RGS22: variants seen among roughly 807,000 people sequenced by gnomAD.
RGS22 encodes regulator of G-protein signaling 22.
In RGS22, 148 loss-of-function variants were observed where a neutral mutation model predicts 172.9. The ratio of observed to expected loss-of-function variants is 0.86; its 90% CI spans 0.75 to 0.98. The LOEUF (loss-of-function observed/expected upper bound fraction) is 0.98, where lower values mean the gene tolerates loss of function less well. RGS22 is among the 50% of genes least tolerant of loss of function. The pLI, the probability that RGS22 is intolerant of heterozygous loss-of-function variation, is 0.00. For missense variants in RGS22, 1,347 were observed against 1,440.8 expected, an observed-to-expected ratio of 0.93 and a Z score of 1.05; for synonymous variants, 458 against 480.2, an observed-to-expected ratio of 0.95 and a Z score of 0.60.
At chr8:100,077,147 T>C (rs1251029936) in intron 4 of RGS22, among the ~76,000 whole-genome samples, 1 of 152,196 alleles carries the variant, frequency 6.6e-6, no homozygotes, top group African/African-American at 2.4e-5. Flanking sequence ...TATCTTTCTC[T>C]TTTTCTTCAT....
rs1815178728 is a variant in RGS22, at chr8:100,002,308, T to C, written c.2684A>G (p.Asp895Gly). The change falls in exon 18 of 28, where the codon GAT becomes GGT. Residue 895 changes from aspartate to glycine, a missense_variant. Asp to Gly is a moderately conservative substitution (Grantham distance 94). Coordinates refer to ENST00000360863, the MANE Select transcript of RGS22 (RefSeq NM_015668.5). Reference protein sequence around the residue: ...IEQFRRITYRDRNQRKAKSIY... With the variant: ...IEQFRRITYRGRNQRKAKSIY... ...AGATTTTGCCTTCCTTTGATTTCGATCTCTGTAAGTTATTCTCCGGAACTG... is the reference window on the plus strand; with the variant it reads ...AGATTTTGCCTTCCTTTGATTTCGACCTCTGTAAGTTATTCTCCGGAACTG... 1 of 1,611,934 alleles carries C rather than the reference T, an allele frequency of 6.2e-7. No homozygotes were observed. The highest frequency in any genetic ancestry group is 8.5e-7 in the Non-Finnish European group (1 of 1,179,398).
Position 99,965,448 on chromosome 8 carries a change from T to C in RGS22, c.3520-18A>G. The C allele has an allele frequency of 6.7e-7, 1 of 1,502,902 alleles. No individual in the cohort carries two copies. Among genetic ancestry groups the C allele is most frequent in the Non-Finnish European group, 9.2e-7 (1 of 1,091,220 alleles). 93.1% of individuals were successfully genotyped at this position (1,502,902 alleles called of 1,614,324 possible). ...ATTCCATCCTGTAATTATATTAAAT[T>C]AAATTATTACCCAGAAAAGATAATG... On this transcript the variant is annotated intron_variant, in intron 23 of 27. Coordinates refer to ENST00000360863, the MANE Select transcript of RGS22 (RefSeq NM_015668.5).
chr8:100,026,460 A>T (rs903418748), intron 14 of RGS22, among the ~76,000 whole-genome samples: 2 of 152,232 alleles, frequency 1.3e-5, no homozygotes, highest in African/African-American at 2.4e-5. Context: ...GAAATTTTGC[A>T]AATACAAGAG....
chr8:99,978,160 ATATCTT>A (rs1390732386), intron 22 of RGS22, 85 bp from the exon 23 acceptor site: 14 of 702,740 alleles, frequency 2.0e-5, no homozygotes, highest in Admixed American at 1.6e-4. Context: ...ATTAACTATT[ATATCTT>A]TAATATATAC....
intron 9 of RGS22, among the ~76,000 whole-genome samples, chr8:100,059,102 T>C (rs1809888571): frequency 6.6e-6 from 1 of 152,086 alleles, no homozygotes. Flanking sequence ...AAGATAGTAT[T>C]TGCCAGCCTC....
chr8:100,048,636 G>A (rs1335941803), intron 10 of RGS22, among the ~76,000 whole-genome samples: 1 of 151,896 alleles, frequency 6.6e-6, no homozygotes, highest in African/African-American at 2.4e-5. Context: ...TTAATAACAA[G>A]TATATTCTAT....
At chr8:100,052,741 C>A in intron 10 of RGS22, 61 bp downstream of exon 10, 1 of 1,438,552 alleles carries the variant, frequency 7.0e-7, no homozygotes. Context: ...TGCACAAACA[C>A]TCAAGCATAC....
chr8:100,052,087 ATTTATATATT>A (rs1821643536), intron 10 of RGS22, among the ~76,000 whole-genome samples: 5 of 87,212 alleles, frequency 5.7e-5, no homozygotes, highest in Admixed American at 1.8e-4. Flanking sequence ...GTTTATATAT[ATTTATATATT>A]TATATATAAA....
intron 23 of RGS22, among the ~76,000 whole-genome samples, chr8:99,968,460 C>T (rs913251732): frequency 2.0e-5 from 3 of 151,926 alleles, no homozygotes; most frequent in African/African-American, 7.3e-5. Flanking sequence ...TCTTCTAACC[C>T]AATGCAAGGA....
intron 14 of RGS22, among the ~76,000 whole-genome samples, chr8:100,022,012 G>A (rs751011236): frequency 1.3e-5 from 2 of 152,052 alleles, no homozygotes; most frequent in Non-Finnish European, 2.9e-5. Context: ...GCAAAAGGAG[G>A]AAAAAATGAT....
intron 14 of RGS22, among the ~76,000 whole-genome samples, chr8:100,036,307 AAT>A (rs1474447656): frequency 3.3e-4 from 51 of 152,276 alleles, no homozygotes; most frequent in African/African-American, 1.2e-3. Context: ...ACACCATTTA[AAT>A]TGGTTTCCAA....
chr8:99,996,585 C>A (rs1814415902), intron 19 of RGS22, 55 bp from the exon 20 acceptor site: 3 of 1,378,846 alleles, frequency 2.2e-6, no homozygotes, highest in South Asian at 2.4e-5. Context: ...GGCTTGAAAT[C>A]ATTTACTAAT....
intron 9 of RGS22, among the ~76,000 whole-genome samples, chr8:100,060,036 A>G (rs1409162676): frequency 6.6e-6 from 1 of 152,122 alleles, no homozygotes; most frequent in Non-Finnish European, 1.5e-5. Context: ...TTCTTTGACT[A>G]TAAGTTTACA....
At chr8:100,079,652 G>T (rs1162905594) in intron 4 of RGS22, among the ~76,000 whole-genome samples, 1 of 152,072 alleles carries the variant, frequency 6.6e-6, no homozygotes, top group Non-Finnish European at 1.5e-5. Context: ...AAGCAGAGGA[G>T]CCAATATTAG....
intron 9 of RGS22, among the ~76,000 whole-genome samples, chr8:100,057,212 G>A (rs375276274): frequency 5.9e-5 from 9 of 152,132 alleles, no homozygotes; most frequent in African/African-American, 2.2e-4. Context: ...GTTTATTTAC[G>A]TCATTCCTGT....
At chr8:100,007,063 G>T (rs1435921613) in intron 15 of RGS22, among the ~76,000 whole-genome samples, 2 of 151,886 alleles carry the variant, frequency 1.3e-5, no homozygotes, top group African/African-American at 4.8e-5. Context: ...ATAATAAAAA[G>T]GATACTAGGC....
At chr8:100,068,392 A>G (rs983459924) in intron 6 of RGS22, among the ~76,000 whole-genome samples, 3 of 152,166 alleles carry the variant, frequency 2.0e-5, no homozygotes, top group African/African-American at 7.2e-5. Context: ...TCAACAAAAA[A>G]CATTTTGTAT....
chr8:100,040,913 G>A (rs1820030596), intron 12 of RGS22, among the ~76,000 whole-genome samples: 2 of 151,564 alleles, frequency 1.3e-5, no homozygotes, highest in African/African-American at 2.4e-5. Flanking sequence ...TCTGAAGTGA[G>A]AATTTAATGT....
At chr8:99,996,177 G>A (rs552051970) in intron 20 of RGS22, among the ~76,000 whole-genome samples, 2 of 152,208 alleles carry the variant, frequency 1.3e-5, no homozygotes, top group Admixed American at 6.5e-5. Context: ...GAGTTGATGG[G>A]TGCAGCAAAC....
Sources: gnomAD v4.1 joint callset for allele counts (sites outside exome capture counted in the v4.1 genomes callset) on GRCh38, gnomAD v4.1.1 for gene constraint, MANE v1.5 for transcripts, NCBI Gene and HGNC (gene_info 2026-07-23, HGNC 2026-07-21) for gene names.